JAK2: variants seen among roughly 807,000 people sequenced by gnomAD.
The protein encoded by JAK2 is tyrosine-protein kinase JAK2.
A neutral mutation model predicts 139.3 loss-of-function variants in JAK2; 86 were observed. The observed-to-expected ratio is 0.62, with a 90% confidence interval of 0.52 to 0.74. The LOEUF is 0.74. Among genes scored for constraint, JAK2 ranks in the 30% least tolerant of loss-of-function variants. The pLI is 0.00. For missense variants in JAK2, 1,421 were observed against 1,360.3 expected (o/e 1.04, Z -0.70); for synonymous variants, 490 against 437.7 (o/e 1.12, Z -1.49).
chr9:4,994,642 G>A (rs571733412), intron 2 of JAK2, among the ~76,000 whole-genome samples: 2 of 152,274 alleles, frequency 1.3e-5, no homozygotes, highest in South Asian at 2.1e-4. Flanking sequence ...TAGACAATAC[G>A]TAAATGAACA....
intron 8 of JAK2, among the ~76,000 whole-genome samples, chr9:5,058,947 T>C (rs1817969085): frequency 1.3e-5 from 2 of 152,358 alleles, no homozygotes; most frequent in African/African-American, 4.8e-5. Flanking sequence ...TTCAAATATA[T>C]GATTTGCAAA....
intron 2 of JAK2, among the ~76,000 whole-genome samples, chr9:4,999,124 C>A (rs1008111437): frequency 3.9e-5 from 6 of 152,098 alleles, no homozygotes; most frequent in African/African-American, 1.4e-4. Flanking sequence ...CGCACCCGGG[C>A]TCAGGAGGTC....
At chr9:5,102,856 TC>T (rs1821619526) in intron 22 of JAK2, among the ~76,000 whole-genome samples, 1 of 152,162 alleles carries the variant, frequency 6.6e-6, no homozygotes. Flanking sequence ...AGAGATTTTG[TC>T]ATTACCAGGC....
At chr9:5,020,358 C>A (rs1317116684) in intron 2 of JAK2, among the ~76,000 whole-genome samples, 1 of 152,136 alleles carries the variant, frequency 6.6e-6, no homozygotes, top group Non-Finnish European at 1.5e-5. Context: ...TGCTTGGATA[C>A]GTGGGAGTGG....
intron 2 of JAK2, among the ~76,000 whole-genome samples, chr9:4,992,961 C>T (rs549897316): frequency 6.6e-6 from 1 of 152,130 alleles, no homozygotes; most frequent in African/African-American, 2.4e-5. Flanking sequence ...TTATCTCCCC[C>T]ACCCCTGCAC....
At chr9:5,017,717 A>C (rs1270038624) in intron 2 of JAK2, among the ~76,000 whole-genome samples, 1 of 152,222 alleles carries the variant, frequency 6.6e-6, no homozygotes, top group Non-Finnish European at 1.5e-5. Flanking sequence ...TTTTTGAATA[A>C]ATTAATTCTT....
chr9:5,117,281 T>C (rs1255295859), intron 22 of JAK2, among the ~76,000 whole-genome samples: 1 of 152,236 alleles, frequency 6.6e-6, no homozygotes, highest in South Asian at 2.1e-4. Context: ...CAGTACATCA[T>C]GTTAATGAGT....
chr9:5,053,496 T>G (rs1817561834), intron 6 of JAK2, among the ~76,000 whole-genome samples: 1 of 152,094 alleles, frequency 6.6e-6, no homozygotes, highest in Non-Finnish European at 1.5e-5. Flanking sequence ...GTAGTCTAAT[T>G]TGCCCCATTT....
rs538049243 is a variant in JAK2 at position 5,128,222 on chromosome 9, G to A, written c.*1431G>A. The stretch of plus-strand genomic sequence containing the variant: ...GTTCTACTTTTTTGAAAGTTGTACT[G>A]AAGACTTCTGATTTTGGGTTGAAGG... On this transcript the variant is annotated 3_prime_UTR_variant, in exon 25 of 25. Transcript: ENST00000381652. The A allele has an allele frequency of 4.3e-6, 1 of 230,930 alleles. No individual in the cohort carries two copies. Among genetic ancestry groups the A allele is most frequent in the Admixed American group, 5.6e-5 (1 of 17,702 alleles). The allele number at this position is 230,930 out of a possible 1,614,324, so 14.3% of individuals were successfully genotyped here. A position where few individuals can be genotyped will look rare whatever the true frequency, so the allele number is the denominator to read the frequency against.
intron 22 of JAK2, 52 bp downstream of exon 22, chr9:5,090,963 TTTA>T (rs1355538080): frequency 8.1e-7 from 1 of 1,238,602 alleles, no homozygotes; most frequent in Non-Finnish European, 1.1e-6. Flanking sequence ...GACTTCAAAC[TTTA>T]TTGTTGTTAT....
chr9:4,995,207 C>G (rs1820491926), intron 2 of JAK2, among the ~76,000 whole-genome samples: 1 of 152,144 alleles, frequency 6.6e-6, no homozygotes, highest in South Asian at 2.1e-4. Context: ...TCTTGGCCCA[C>G]TTTCTATTGG....
In JAK2 at chr9:5,080,588, T is replaced by G; in HGVS notation, c.2339T>G (p.Leu780Ter). Residue 780 changes from leucine (L) to a stop codon, truncating the protein, a stop_gained, in exon 18 of 25, where the codon TTA becomes TGA. Coordinates refer to ENST00000381652, the MANE Select transcript of JAK2 (RefSeq NM_004972.4). LOFTEE classifies it high-confidence loss of function. ...HQLPAPKWAE[L>*]ANLINNCMDY... ...CTTCCTGCACCAAAGTGGGCAGAATTAGCAAACCTTATAAATAATTGTATG... is the reference window on the plus strand; with the variant it reads ...CTTCCTGCACCAAAGTGGGCAGAATGAGCAAACCTTATAAATAATTGTATG... The G allele has an allele frequency of 6.2e-7, 1 of 1,607,390 alleles. No homozygotes were observed. The highest frequency in any genetic ancestry group is 8.5e-7 in the Non-Finnish European group (1 of 1,178,254).
intron 23 of JAK2, among the ~76,000 whole-genome samples, chr9:5,124,107 T>C (rs1823816960): frequency 6.6e-6 from 1 of 151,906 alleles, no homozygotes; most frequent in South Asian, 2.1e-4. Flanking sequence ...TTCTGGATGG[T>C]AGTTCCTTGT....
chr9:5,062,531 AG>A (rs1818263537), intron 8 of JAK2, among the ~76,000 whole-genome samples: 1 of 148,130 alleles, frequency 6.8e-6, no homozygotes, highest in Non-Finnish European at 1.5e-5. Context: ...AAAAAAAAAA[AG>A]GTCATATCTG....
At chr9:5,085,311 T>A (rs1348634649) in intron 19 of JAK2, 1 of 744,436 alleles carries the variant, frequency 1.3e-6, no homozygotes, top group Non-Finnish European at 2.5e-6. Context: ...TGAAGTCGAA[T>A]ACATCATCTA....
chr9:5,070,097 A>G, intron 12 of JAK2, 45 bp downstream of exon 12: 1 of 1,393,016 alleles, frequency 7.2e-7, no homozygotes, highest in Non-Finnish European at 9.9e-7. Context: ...TCCTTTTAAA[A>G]CAACATCTGT....
chr9:5,112,024 T>C, intron 22 of JAK2: 1 of 399,564 alleles, frequency 2.5e-6, no homozygotes, highest in African/African-American at 2.1e-5. Context: ...GGAGCAGGAG[T>C]CCCTGGTGCC....
At chr9:5,004,602 GTGTAGATAT>G (rs1821149763) in intron 2 of JAK2, among the ~76,000 whole-genome samples, 1 of 152,166 alleles carries the variant, frequency 6.6e-6, no homozygotes, top group Non-Finnish European at 1.5e-5. Context: ...GAGCATGGGA[GTGTAGATAT>G]TGCTTTGACA....
chr9:5,101,454 G>A (rs1000279916), intron 22 of JAK2, among the ~76,000 whole-genome samples: 3 of 152,246 alleles, frequency 2.0e-5, no homozygotes, highest in African/African-American at 4.8e-5. Flanking sequence ...CTGGGGGCAG[G>A]GCATAGCTGA....
Sources: gnomAD v4.1 joint callset for allele counts (sites outside exome capture counted in the v4.1 genomes callset) on GRCh38, gnomAD v4.1.1 for gene constraint, MANE v1.5 for transcripts, NCBI Gene and HGNC (gene_info 2026-07-23, HGNC 2026-07-21) for gene names.